The following TNNI3K variants were observed in gnomAD, a reference collection of about 807,000 sequenced individuals.
TNNI3K encodes the protein TNNI3 interacting kinase.
Under a neutral mutation model 114.5 loss-of-function variants are expected in TNNI3K, and 140 were observed. The ratio of observed to expected loss-of-function variants is 1.22; its 90% CI spans 1.07 to 1.41. The LOEUF (loss-of-function observed/expected upper bound fraction) is 1.41. Among genes scored for constraint, TNNI3K ranks in the 40% most tolerant of loss-of-function variants. The probability of loss-of-function intolerance (pLI) is 0.00; values close to 1 mark genes in which losing one functional copy is unlikely to be tolerated. For synonymous variants in TNNI3K, 347 were observed against 347.5 expected (o/e 1.00, Z 0.02); for missense variants, 1,125 against 1,007.6 (o/e 1.12, Z -1.58).
At chr1:74,417,518 T>A (rs1665175740) in intron 17 of TNNI3K, among the ~76,000 whole-genome samples, 2 of 152,118 alleles carry the variant, frequency 1.3e-5, no homozygotes, top group Admixed American at 1.3e-4. Context: ...GAGTCTCAAG[T>A]ATCTCTCAGC....
At chr1:74,248,026 C>A (rs1191566428) in intron 2 of TNNI3K, among the ~76,000 whole-genome samples, 1 of 152,034 alleles carries the variant, frequency 6.6e-6, no homozygotes, top group Admixed American at 6.6e-5. Flanking sequence ...TTGGGCATGG[C>A]GGGCTGCAGG....
chr1:74,270,700 T>G (rs1386410151), intron 4 of TNNI3K, among the ~76,000 whole-genome samples: 1 of 151,836 alleles, frequency 6.6e-6, no homozygotes, highest in African/African-American at 2.4e-5. Context: ...TGCACTGGCC[T>G]ATCTTATGAC....
rs1430911204 is a variant in TNNI3K, at chr1:74,450,082, G to A, written c.2011+10460G>A. On this transcript the variant is annotated intron_variant, in intron 20 of 24. Transcript: ENST00000326637. ...CTCAGACCACAGTGCAATCAAACTA[G>A]AACTCAGGATTAAGAATCTCACTCA... Among the ~76,000 whole-genome samples, 1,048 of 138,346 alleles carry A rather than the reference G, an allele frequency of 7.6e-3. 11 individuals are homozygous for A. Among genetic ancestry groups the A allele is most frequent in the African/African-American group, 0.027 (983 of 36,262 alleles). The allele number at this position is 138,346 out of a possible 152,430, so 90.8% of individuals were successfully genotyped here.
At chr1:74,502,920 C>T (rs1669708738) in intron 23 of TNNI3K, among the ~76,000 whole-genome samples, 1 of 152,190 alleles carries the variant, frequency 6.6e-6, no homozygotes, top group Non-Finnish European at 1.5e-5. Context: ...AAAGTAGCGA[C>T]AACCAATCAG....
chr1:74,239,407 A>G (rs1294609249), intron 2 of TNNI3K, among the ~76,000 whole-genome samples: 2 of 152,238 alleles, frequency 1.3e-5, no homozygotes, highest in East Asian at 1.9e-4. Flanking sequence ...TGACATTTAA[A>G]TGAGTATCTA....
intron 21 of TNNI3K, among the ~76,000 whole-genome samples, chr1:74,468,724 G>GTA (rs1491001441): frequency 8.5e-5 from 13 of 152,112 alleles, no homozygotes; most frequent in Admixed American, 7.9e-4. Context: ...ATATAAAGAT[G>GTA]TATAGACCTA....
intron 5 of TNNI3K, among the ~76,000 whole-genome samples, chr1:74,317,507 G>A (rs1043539423): frequency 6.6e-6 from 1 of 152,144 alleles, no homozygotes; most frequent in Non-Finnish European, 1.5e-5. Context: ...GAAATAGCAG[G>A]TATAAGAGCT....
rs771036637 is a variant in TNNI3K, at chr1:74,439,517, T to A, written c.1906T>A (p.Phe636Ile). The A allele has an allele frequency of 5.0e-6, 8 of 1,613,376 alleles. No individual in the cohort carries two copies. In the South Asian group the frequency reaches 8.8e-5, roughly 18 times the overall value. Residue 636 changes from phenylalanine (F) to isoleucine (I), a missense_variant, in exon 20 of 25, where the codon TTC becomes ATC. Phe to Ile is a conservative substitution (Grantham distance 21). Transcript: ENST00000326637. ...GNLRWMAPEV[F>I]TQCTRYTIKA... ...CCTCCGTTGGATGGCTCCTGAGGTG[T>A]TCACGCAGTGCACTCGGTACACCAT... is the stretch of plus-strand genomic sequence containing the variant.
intron 17 of TNNI3K, among the ~76,000 whole-genome samples, chr1:74,405,013 A>T (rs986132905): frequency 1.7e-4 from 26 of 152,226 alleles, no homozygotes; most frequent in Admixed American, 1.1e-3. Flanking sequence ...GTTTAAAAAA[A>T]GAAAGACCAT....
chr1:74,290,705 TTTC>T (rs1657626129), intron 5 of TNNI3K, among the ~76,000 whole-genome samples: 1 of 151,758 alleles, frequency 6.6e-6, no homozygotes, highest in Non-Finnish European at 1.5e-5. Flanking sequence ...AAGTTTTTTC[TTTC>T]TTTTTAGTTT....
intron 22 of TNNI3K, among the ~76,000 whole-genome samples, chr1:74,491,208 C>G (rs1220532723): frequency 1.3e-5 from 2 of 152,018 alleles, no homozygotes; most frequent in Non-Finnish European, 1.5e-5. Flanking sequence ...TAGGGTGAGT[C>G]CAACAGGTTT....
At chr1:74,449,612 T>C (rs558213008) in intron 20 of TNNI3K, among the ~76,000 whole-genome samples, 12,690 of 150,452 alleles carry the variant, frequency 0.084, 1,557 homozygotes, top group African/African-American at 0.27. Context: ...ATCCTAGTCT[T>C]CGATAAAACA....
chr1:74,315,573 G>A (rs1659260491), intron 5 of TNNI3K, among the ~76,000 whole-genome samples: 1 of 151,496 alleles, frequency 6.6e-6, no homozygotes, highest in African/African-American at 2.4e-5. Flanking sequence ...TTTTTAACTG[G>A]ATTTGTAGGA....
chr1:74,515,796 T>A (rs191383625), intron 23 of TNNI3K, among the ~76,000 whole-genome samples: 2 of 152,074 alleles, frequency 1.3e-5, no homozygotes, highest in African/African-American at 2.4e-5. Context: ...AAATCTGAGG[T>A]TTTTCTCTTC....
At chr1:74,371,865 A>G (rs1330146517) in intron 17 of TNNI3K, 1 of 151,786 alleles carries the variant, frequency 6.6e-6, no homozygotes, top group Non-Finnish European at 1.5e-5. Context: ...TTGAAGGGAA[A>G]GTCAAGAAAC....
chr1:74,287,294 G>A (rs1216225658), intron 5 of TNNI3K, among the ~76,000 whole-genome samples: 1 of 151,974 alleles, frequency 6.6e-6, no homozygotes, highest in African/African-American at 2.4e-5. Context: ...GGGGAAGAAA[G>A]CTTATTGAAA....
chr1:74,428,081 G>T (rs1297071207), intron 17 of TNNI3K, among the ~76,000 whole-genome samples: 1 of 151,860 alleles, frequency 6.6e-6, no homozygotes, highest in Non-Finnish European at 1.5e-5. Context: ...TCTACTGACA[G>T]GTTGAAGTTT....
At chr1:74,410,213 T>C (rs1039576459) in intron 17 of TNNI3K, among the ~76,000 whole-genome samples, 2 of 152,170 alleles carry the variant, frequency 1.3e-5, no homozygotes, top group African/African-American at 4.8e-5. Context: ...ATTTTTTAAT[T>C]ATATGTTGCC....
At chr1:74,475,716 G>A (rs1318095662) in intron 21 of TNNI3K, 3 of 696,434 alleles carry the variant, frequency 4.3e-6, no homozygotes, top group Admixed American at 4.3e-5. Context: ...CGAAGGTTCT[G>A]CAACAAAGGT....
Sources: allele counts gnomAD v4.1 joint callset (sites outside exome capture counted in the v4.1 genomes callset), GRCh38; gene constraint gnomAD v4.1.1; transcripts MANE v1.5; gene names NCBI Gene and HGNC (gene_info 2026-07-23, HGNC 2026-07-21).